The following GPHN variants were observed in gnomAD, a reference collection of about 807,000 sequenced individuals.
GPHN encodes the protein gephyrin.
Under a neutral mutation model 95.5 loss-of-function variants are expected in GPHN, and 17 were observed. That is an observed-to-expected ratio of 0.18 (90% CI 0.12 to 0.27). The LOEUF (loss-of-function observed/expected upper bound fraction) is 0.27, where lower values mean the gene tolerates loss of function less well. GPHN is among the 10% of genes least tolerant of loss of function. The pLI is 1.00. For missense variants in GPHN, 660 were observed against 978.1 expected (o/e 0.67, Z 4.34); for synonymous variants, 320 against 322.5 (o/e 0.99, Z 0.08).
chr14:67,607,698 A>G, the GPHN span, among the ~76,000 whole-genome samples: 1 of 152,036 alleles, frequency 6.6e-6, no homozygotes. Flanking sequence ...CTCCCAAGTT[A>G]TTTTTAGGGA....
intron 1 of GPHN, among the ~76,000 whole-genome samples, chr14:66,661,133 A>C (rs2065620045): frequency 6.6e-6 from 1 of 152,158 alleles, no homozygotes; most frequent in South Asian, 2.1e-4. Flanking sequence ...CTAGGAAGGG[A>C]TCTGAATCCA....
chr14:67,426,107 A>G, the GPHN span, among the ~76,000 whole-genome samples: 453 of 152,158 alleles, frequency 3.0e-3, 1 homozygote, highest in African/African-American at 0.01. Context: ...GTGGTTTACT[A>G]AACACATCAA....
At chr14:67,708,317 T>C in the GPHN span, among the ~76,000 whole-genome samples, 1 of 152,220 alleles carries the variant, frequency 6.6e-6, no homozygotes. Context: ...CCTGTTCTGC[T>C]TGATATTCGT....
the GPHN span, among the ~76,000 whole-genome samples, chr14:67,556,122 T>TG: frequency 6.6e-6 from 1 of 152,236 alleles, no homozygotes; most frequent in Admixed American, 6.5e-5. Flanking sequence ...AAATTAAGTC[T>TG]GAAGTCTCAG....
chr14:66,979,516 T>C (rs2070505448), intron 9 of GPHN, among the ~76,000 whole-genome samples: 1 of 152,234 alleles, frequency 6.6e-6, no homozygotes, highest in Non-Finnish European at 1.5e-5. Context: ...TTTCCTCACC[T>C]TACTCAGCAT....
At chr14:67,420,217 C>G in the GPHN span, among the ~76,000 whole-genome samples, 3 of 152,218 alleles carry the variant, frequency 2.0e-5, no homozygotes. Context: ...ACTGGCCAGA[C>G]TCCATCCTGG....
the GPHN span, chr14:67,364,726 C>T: frequency 7.7e-6 from 12 of 1,550,204 alleles, no homozygotes; most frequent in East Asian, 4.7e-5. Flanking sequence ...TTATTTTCAC[C>T]TTAACTGAAT....
chr14:67,523,880 A>G, the GPHN span, among the ~76,000 whole-genome samples: 2 of 152,130 alleles, frequency 1.3e-5, 1 homozygote, highest in African/African-American at 4.8e-5. Context: ...TGTCAGGTAT[A>G]GAGCTGTGAC....
chr14:67,306,963 A>G, the GPHN span, among the ~76,000 whole-genome samples: 8 of 152,350 alleles, frequency 5.3e-5, no homozygotes, highest in South Asian at 1.7e-3. Flanking sequence ...GTGATGTTAG[A>G]AATGTGTTTA....
intron 1 of GPHN, among the ~76,000 whole-genome samples, chr14:66,595,209 A>G (rs2061922615): frequency 6.6e-6 from 1 of 152,234 alleles, no homozygotes; most frequent in African/African-American, 2.4e-5. Flanking sequence ...GTTGTAAATT[A>G]GTATTACAGC....
chr14:67,433,149 C>G, the GPHN span, among the ~76,000 whole-genome samples: 1 of 152,254 alleles, frequency 6.6e-6, no homozygotes, highest in African/African-American at 2.4e-5. Flanking sequence ...GCCCATCTTA[C>G]AAGGAGGGCC....
the GPHN span, among the ~76,000 whole-genome samples, chr14:67,202,830 T>C: frequency 6.6e-6 from 1 of 152,222 alleles, no homozygotes; most frequent in Non-Finnish European, 1.5e-5. Flanking sequence ...CCTGGACTTG[T>C]ACTTGGTAAA....
At chr14:67,706,246 C>A in the GPHN span, 1,196 of 152,334 alleles carry the variant, frequency 7.9e-3, 16 homozygotes, top group African/African-American at 0.028. Context: ...TAGCAATGCA[C>A]GTCTCTAATT....
At chr14:67,526,829 G>A in the GPHN span, among the ~76,000 whole-genome samples, 1 of 151,980 alleles carries the variant, frequency 6.6e-6, no homozygotes, top group African/African-American at 2.4e-5. Context: ...CCATACTGAG[G>A]GCAGGTTTGT....
At chr14:67,672,123 ATT>A in the GPHN span, among the ~76,000 whole-genome samples, 164 of 143,444 alleles carry the variant, frequency 1.1e-3, no homozygotes, top group Middle Eastern at 7.3e-3. Context: ...TGCAGTCTAC[ATT>A]TTTTTTTTTT....
chr14:67,107,285 G>A (rs2078097128), intron 13 of GPHN, among the ~76,000 whole-genome samples: 1 of 152,086 alleles, frequency 6.6e-6, no homozygotes, highest in Admixed American at 6.6e-5. Flanking sequence ...GTGGCACTGG[G>A]CTCAAAATAT....
chr14:67,587,362 T>A, the GPHN span: 3 of 1,101,318 alleles, frequency 2.7e-6, no homozygotes, highest in Non-Finnish European at 4.1e-6. Flanking sequence ...GAAATGTGTA[T>A]TTTAGTCTCT....
At chr14:67,022,499 T>G (rs531280810) in intron 9 of GPHN, among the ~76,000 whole-genome samples, 1 of 148,900 alleles carries the variant, frequency 6.7e-6, no homozygotes, top group South Asian at 2.1e-4. Context: ...AGTTGAACAA[T>G]CTGGGCCAAA....
the GPHN span, among the ~76,000 whole-genome samples, chr14:67,373,183 T>G: frequency 6.6e-6 from 1 of 152,204 alleles, no homozygotes; most frequent in Admixed American, 6.5e-5. Flanking sequence ...CTAGGAAAAT[T>G]TATGTTCACA....
Sources: allele counts gnomAD v4.1 joint callset (sites outside exome capture counted in the v4.1 genomes callset), GRCh38; gene constraint gnomAD v4.1.1; transcripts MANE v1.5; gene names NCBI Gene and HGNC (gene_info 2026-07-23, HGNC 2026-07-21).